The following PLCB1 variants were observed in gnomAD, a reference collection of about 807,000 sequenced individuals.
The protein encoded by PLCB1 is 1-phosphatidylinositol 4,5-bisphosphate phosphodiesterase beta-1.
A neutral mutation model predicts 161.8 loss-of-function variants in PLCB1; 46 were observed. That is an observed-to-expected ratio of 0.28 (90% CI 0.22 to 0.36). PLCB1 has a LOEUF of 0.36. Ranked by LOEUF, PLCB1 falls within the 10% of genes least tolerant of loss-of-function variation. PLCB1 has a pLI of 1.00. For missense variants in PLCB1, 1,016 were observed against 1,472.5 expected (o/e 0.69, Z 5.07); for synonymous variants, 517 against 503.7 (o/e 1.03, Z -0.35).
At chr20:8,267,744 T>C (rs1982044947) in intron 2 of PLCB1, among the ~76,000 whole-genome samples, 1 of 152,046 alleles carries the variant, frequency 6.6e-6, no homozygotes, top group South Asian at 2.1e-4. Context: ...GATTACAGAA[T>C]TTTCTGGGGT....
At chr20:8,786,232 G>A (rs1045114311) in intron 27 of PLCB1, among the ~76,000 whole-genome samples, 1 of 152,158 alleles carries the variant, frequency 6.6e-6, no homozygotes, top group Non-Finnish European at 1.5e-5. Context: ...CAGCTAAATA[G>A]AGACGTTGCA....
chr20:8,489,946 C>A (rs1982875139), intron 3 of PLCB1, among the ~76,000 whole-genome samples: 1 of 152,154 alleles, frequency 6.6e-6, no homozygotes, highest in Non-Finnish European at 1.5e-5. Flanking sequence ...AAGAGCCCTT[C>A]TTCTTTGTTG....
chr20:8,389,609 A>G (rs969874638), intron 3 of PLCB1, among the ~76,000 whole-genome samples: 4 of 152,206 alleles, frequency 2.6e-5, no homozygotes, highest in African/African-American at 9.7e-5. Context: ...TCTACATGCA[A>G]TGGTACATAG....
intron 3 of PLCB1, among the ~76,000 whole-genome samples, chr20:8,427,093 T>G (rs1436242016): frequency 6.6e-6 from 1 of 152,046 alleles, no homozygotes; most frequent in African/African-American, 2.4e-5. Context: ...GTATTTTTGG[T>G]AGAGATGGGG....
chr20:8,352,030 C>T (rs1365286720), intron 2 of PLCB1, among the ~76,000 whole-genome samples: 1 of 152,046 alleles, frequency 6.6e-6, no homozygotes, highest in Non-Finnish European at 1.5e-5. Flanking sequence ...CCCACAAAAA[C>T]CTGCATGCAA....
chr20:8,522,856 A>C (rs1984406503), intron 3 of PLCB1, among the ~76,000 whole-genome samples: 1 of 151,744 alleles, frequency 6.6e-6, no homozygotes, highest in African/African-American at 2.4e-5. Context: ...TCTTTATTTA[A>C]GACTAATTTG....
chr20:8,753,494 G>A lies in PLCB1; in HGVS notation c.2524-3552G>A, dbSNP rs148977270. Among the ~76,000 whole-genome samples, 796 of 152,252 alleles carry A rather than the reference G, an allele frequency of 5.2e-3. 6 individuals carry two copies. The highest frequency in any genetic ancestry group is 0.018 in the African/African-American group (757 of 41,554). ...CAAATTCCTTAGCCCAGTGTTTAATGTCCTCATTACTGACCCTCTTCTCTA... is the reference window on the plus strand; with the variant it reads ...CAAATTCCTTAGCCCAGTGTTTAATATCCTCATTACTGACCCTCTTCTCTA... On this transcript the variant is annotated intron_variant, in intron 23 of 31. Coordinates refer to ENST00000338037, the MANE Select transcript of PLCB1 (RefSeq NM_015192.4).
At chr20:8,142,565 A>C (rs555952592) in intron 1 of PLCB1, among the ~76,000 whole-genome samples, 1 of 152,292 alleles carries the variant, frequency 6.6e-6, no homozygotes, top group African/African-American at 2.4e-5. Flanking sequence ...CTCATATTCT[A>C]AATTTTACCA....
At chr20:8,459,335 C>A (rs189948872) in intron 3 of PLCB1, among the ~76,000 whole-genome samples, 2 of 152,092 alleles carry the variant, frequency 1.3e-5, no homozygotes, top group Non-Finnish European at 1.5e-5. Context: ...TAGATCCTGG[C>A]GAGTCCTTAA....
chr20:8,808,263 C>T (rs953987142), intron 31 of PLCB1, among the ~76,000 whole-genome samples: 3 of 152,066 alleles, frequency 2.0e-5, no homozygotes, highest in Non-Finnish European at 4.4e-5. Flanking sequence ...TCAAGGTGCC[C>T]GCGAGATTCG....
chr20:8,881,328 C>CGTGT lies in PLCB1; in HGVS notation c.3424-266_3424-263dup, dbSNP rs3222517. On this transcript the variant is annotated intron_variant, in intron 31 of 31. Coordinates refer to ENST00000338037, the MANE Select transcript of PLCB1 (RefSeq NM_015192.4). Reference sequence around the variant, plus strand: ...ACTCTGACACCTTTTTCAAAAGACCCGTGTGTGTGTGTGTGTGTGTGTGTG... The same window carrying CGTGT: ...ACTCTGACACCTTTTTCAAAAGACCCGTGTGTGTGTGTGTGTGTGTGTGTGTGTG... 0.12 allele frequency among the ~76,000 whole-genome samples: 15,780 copies of CGTGT among 128,882 alleles called. 1,372 individuals carry two copies. The highest frequency in any genetic ancestry group is 0.32 in the East Asian group (1,534 of 4,850). 84.6% of individuals were successfully genotyped at this position (128,882 alleles called of 152,430 possible). A position where few individuals can be genotyped will look rare whatever the true frequency, so the allele number is the denominator to read the frequency against.
chr20:8,824,869 A>C (rs1299368687), intron 31 of PLCB1, among the ~76,000 whole-genome samples: 1 of 152,198 alleles, frequency 6.6e-6, no homozygotes, highest in Non-Finnish European at 1.5e-5. Flanking sequence ...GGGAGGAAAA[A>C]TTAGTAAGCC....
At chr20:8,535,176 G>T (rs1600135333) in intron 3 of PLCB1, among the ~76,000 whole-genome samples, 1 of 105,340 alleles carries the variant, frequency 9.5e-6, no homozygotes, top group Non-Finnish European at 1.8e-5. Flanking sequence ...TAGAGCATAG[G>T]TTTTTCAGAA....
At chr20:8,758,629 C>T (rs868112593) in intron 24 of PLCB1, among the ~76,000 whole-genome samples, 11 of 151,656 alleles carry the variant, frequency 7.3e-5, no homozygotes, top group Non-Finnish European at 1.2e-4. Flanking sequence ...AAGAAGATGA[C>T]GTTATAAACA....
At position 8,760,549 on chromosome 20, in the gene PLCB1, C is replaced by T. The variant is rs567820440; in HGVS notation, c.2710+89C>T. 140 of 811,546 alleles carry T rather than the reference C, an allele frequency of 1.7e-4. No homozygotes were observed. In the African/African-American group the frequency reaches 2.3e-3, roughly 13 times the overall value. 50.3% of individuals were successfully genotyped at this position (811,546 alleles called of 1,614,324 possible). ...GAGGAGAGGAAATTTCCATTCATAT[C>T]TGAAAAACAACATCATTAATATTTC... is the stretch of plus-strand genomic sequence containing the variant. On this transcript the variant is annotated intron_variant, in intron 25 of 31. Coordinates refer to ENST00000338037, the MANE Select transcript of PLCB1 (RefSeq NM_015192.4).
intron 4 of PLCB1, among the ~76,000 whole-genome samples, chr20:8,634,186 A>T (rs1324638541): frequency 6.6e-6 from 1 of 152,200 alleles, no homozygotes; most frequent in East Asian, 1.9e-4. Context: ...TGATTTTTTA[A>T]TATTATTTCA....
chr20:8,332,047 C>A (rs1351199494), intron 2 of PLCB1, among the ~76,000 whole-genome samples: 1 of 152,188 alleles, frequency 6.6e-6, no homozygotes, highest in Non-Finnish European at 1.5e-5. Flanking sequence ...TGATTGGGTG[C>A]CGGGTGTCTG....
chr20:8,447,469 G>C (rs529295158), intron 3 of PLCB1, among the ~76,000 whole-genome samples: 105 of 152,286 alleles, frequency 6.9e-4, no homozygotes, highest in African/African-American at 2.5e-3. Context: ...ATAATTACCA[G>C]TGTGTAATTG....
intron 3 of PLCB1, among the ~76,000 whole-genome samples, chr20:8,402,844 C>CA (rs1370316261): frequency 1.3e-4 from 19 of 151,248 alleles, no homozygotes; most frequent in Non-Finnish European, 1.9e-4. Flanking sequence ...GACTCCATCT[C>CA]AAAAAAATAA....
Sources: allele counts gnomAD v4.1 joint callset (sites outside exome capture counted in the v4.1 genomes callset), GRCh38; gene constraint gnomAD v4.1.1; transcripts MANE v1.5; gene names NCBI Gene and HGNC (gene_info 2026-07-23, HGNC 2026-07-21).